KIF1B: variants seen among roughly 807,000 people sequenced by gnomAD.
KIF1B encodes the protein kinesin-like protein KIF1B.
In KIF1B, 76 loss-of-function variants were observed where a neutral mutation model predicts 241.9. The ratio of observed to expected loss-of-function variants is 0.31; its 90% CI spans 0.26 to 0.38. KIF1B has a LOEUF of 0.38. KIF1B is among the 10% of genes least tolerant of loss of function. The pLI is 1.00. For missense variants in KIF1B, 1,622 were observed against 2,271.4 expected (o/e 0.71, Z 5.81); for synonymous variants, 750 against 796.7 (o/e 0.94, Z 0.99).
chr1:10,316,919 G>A (rs574028956), intron 22 of KIF1B, among the ~76,000 whole-genome samples: 1 of 149,676 alleles, frequency 6.7e-6, no homozygotes, highest in Admixed American at 6.6e-5. Context: ...TTGTTTTTTT[G>A]TTTTTCAGAT....
In KIF1B at chr1:10,351,189, GT is replaced by G. The variant is rs546741564; in HGVS notation, c.3950-1432del. ...AATAAATTTTTCTTTTTTTAATTTA[GT>G]TTTTTTTTTAACTTTATTTACAAAG... On this transcript the variant is annotated intron_variant, in intron 37 of 48. Transcript: ENST00000676179. Among the ~76,000 whole-genome samples the G allele has an allele frequency of 9.3e-3, 1,376 of 147,168 alleles. 14 individuals carry two copies. The highest frequency in any genetic ancestry group is 0.028 in the African/African-American group (1,129 of 40,218).
chr1:10,371,697 C>T (rs1638737732), intron 45 of KIF1B, among the ~76,000 whole-genome samples: 1 of 152,178 alleles, frequency 6.6e-6, no homozygotes, highest in South Asian at 2.1e-4. Context: ...CTTTCGGATG[C>T]CAAGGCAGGA....
intron 1 of KIF1B, among the ~76,000 whole-genome samples, chr1:10,224,718 C>T (rs151069612): frequency 8.7e-5 from 13 of 149,200 alleles, no homozygotes; most frequent in African/African-American, 2.5e-4. Flanking sequence ...GGAACCATGC[C>T]TGGCCCCAAT....
chr1:10,300,335 C>T (rs1650479484), intron 22 of KIF1B, among the ~76,000 whole-genome samples: 1 of 151,138 alleles, frequency 6.6e-6, no homozygotes, highest in South Asian at 2.1e-4. Flanking sequence ...ACTTTGCATA[C>T]AGTTTTTAGT....
intron 2 of KIF1B, among the ~76,000 whole-genome samples, chr1:10,234,287 AAC>A (rs1040358431): frequency 2.0e-5 from 3 of 149,980 alleles, no homozygotes; most frequent in Non-Finnish European, 4.4e-5. Flanking sequence ...GGCTCACTGT[AAC>A]CTCTGTCTCC....
At position 10,282,351 on chromosome 1, in the gene KIF1B, AGATAC is replaced by A; in HGVS notation, c.1253_1257del (p.Arg418IlefsTer5). On this transcript the variant is annotated frameshift_variant, in exon 15 of 49. Coordinates refer to ENST00000676179, the MANE Select transcript of KIF1B (RefSeq NM_001365951.3). LOFTEE classifies it high-confidence loss of function. ...GAAAGATTTTCAGAACAATAAGCAT[AGATAC>A]TTGCTAGCCTCTGAGAATCAACGCC... 6.2e-7 allele frequency: 1 copy of A among 1,614,080 alleles called. No individual in the cohort carries two copies.
intron 34 of KIF1B, among the ~76,000 whole-genome samples, chr1:10,344,432 G>T (rs917263342): frequency 6.6e-6 from 1 of 152,178 alleles, no homozygotes; most frequent in Non-Finnish European, 1.5e-5. Flanking sequence ...TTTCAAGGTT[G>T]TATCACATTT....
Position 10,303,091 on chromosome 1 carries a change from G to T in KIF1B, c.2115+5845G>T. ...AGGCTTTTTTGCTTGCTTTTTCTTCGATTTAATTTTCCTTTTTTACATTTT... is the reference window on the plus strand; with the variant it reads ...AGGCTTTTTTGCTTGCTTTTTCTTCTATTTAATTTTCCTTTTTTACATTTT... On this transcript the variant is annotated intron_variant, in intron 22 of 48. Transcript: ENST00000676179. This position sits in a 1 kb window ranked among gnomAD's most constrained non-coding sequence, Gnocchi z 5.2. The T allele has an allele frequency of 3.3e-6, 5 of 1,523,082 alleles. No individual in the cohort carries two copies. The highest frequency in any genetic ancestry group is 1.3e-5 in the South Asian group (1 of 79,248). The allele number at this position is 1,523,082 out of a possible 1,614,324, so 94.3% of individuals were successfully genotyped here. A position where few individuals can be genotyped will look rare whatever the true frequency, so the allele number is the denominator to read the frequency against.
intron 2 of KIF1B, among the ~76,000 whole-genome samples, chr1:10,255,596 G>T (rs1319628972): frequency 6.6e-6 from 1 of 152,042 alleles, no homozygotes; most frequent in Non-Finnish European, 1.5e-5. Context: ...TCTTCAAAAA[G>T]AAAAGAAATA....
chr1:10,290,747 G>A (rs1225246289), intron 15 of KIF1B, among the ~76,000 whole-genome samples: 6 of 151,536 alleles, frequency 4.0e-5, no homozygotes, highest in Non-Finnish European at 8.8e-5. Flanking sequence ...GCACGTGCCT[G>A]TAGTCCCAGC....
intron 43 of KIF1B, among the ~76,000 whole-genome samples, chr1:10,366,959 A>G (rs1638594045): frequency 6.6e-6 from 1 of 152,108 alleles, no homozygotes; most frequent in African/African-American, 2.4e-5. Context: ...CAACAGAGTG[A>G]GACACCATCT....
intron 2 of KIF1B, among the ~76,000 whole-genome samples, chr1:10,236,438 A>G (rs760455763): frequency 1.3e-5 from 2 of 152,230 alleles, no homozygotes; most frequent in African/African-American, 4.8e-5. Flanking sequence ...TGCATGTACA[A>G]TTTCGGCAGG....
At chr1:10,276,214 T>C (rs984782704) in intron 11 of KIF1B, 107 bp from the exon 12 acceptor site, 5 of 799,870 alleles carry the variant, frequency 6.3e-6, no homozygotes, top group Non-Finnish European at 1.1e-5. Context: ...AAATTTGACA[T>C]TACATTAAAT....
At chr1:10,222,779 C>A (rs1464264459) in intron 1 of KIF1B, among the ~76,000 whole-genome samples, 1 of 152,154 alleles carries the variant, frequency 6.6e-6, no homozygotes, top group African/African-American at 2.4e-5. Flanking sequence ...ACTTTCCTAA[C>A]GCTTCTAATT....
At chr1:10,311,031 A>C (rs1651042984) in intron 22 of KIF1B, among the ~76,000 whole-genome samples, 1 of 151,254 alleles carries the variant, frequency 6.6e-6, no homozygotes, top group Admixed American at 6.6e-5. Flanking sequence ...ACTGTCCTTG[A>C]TCCTCTCCTA....
intron 2 of KIF1B, among the ~76,000 whole-genome samples, chr1:10,234,499 C>T (rs1031289013): frequency 4.8e-5 from 7 of 147,206 alleles, no homozygotes; most frequent in Non-Finnish European, 7.5e-5. Flanking sequence ...TGAGCTGCCG[C>T]GCCTGGCTGT....
At chr1:10,264,471 C>T (rs1648335780) in intron 5 of KIF1B, among the ~76,000 whole-genome samples, 1 of 152,176 alleles carries the variant, frequency 6.6e-6, no homozygotes, top group African/African-American at 2.4e-5. Context: ...CTTTGTCTCA[C>T]ATTTGTGTGA....
intron 37 of KIF1B, among the ~76,000 whole-genome samples, chr1:10,349,279 A>G (rs904003447): frequency 4.6e-5 from 7 of 152,182 alleles, no homozygotes; most frequent in Middle Eastern, 3.4e-3. Context: ...ACAAAAAAAT[A>G]TGAAAATTAG....
intron 22 of KIF1B, among the ~76,000 whole-genome samples, chr1:10,301,064 A>G (rs1000620048): frequency 1.3e-5 from 2 of 152,168 alleles, no homozygotes; most frequent in African/African-American, 4.8e-5. Flanking sequence ...GTCAGGTGTG[A>G]TGATGTGTGC....
Sources: gnomAD v4.1 joint callset for allele counts (sites outside exome capture counted in the v4.1 genomes callset) on GRCh38, gnomAD v4.1.1 for gene constraint, Gnocchi (gnomAD v3.1) non-coding constraint, MANE v1.5 for transcripts, NCBI Gene and HGNC (gene_info 2026-07-23, HGNC 2026-07-21) for gene names.